Variants in PTPRO observed in about 807,000 individuals in gnomAD.
The protein encoded by PTPRO is receptor-type tyrosine-protein phosphatase O.
In PTPRO, 62 loss-of-function variants were observed where a neutral mutation model predicts 145.2. The ratio of observed to expected loss-of-function variants is 0.43; its 90% CI spans 0.35 to 0.53. The LOEUF is 0.53. Ranked by LOEUF, PTPRO falls within the 20% of genes least tolerant of loss-of-function variation. PTPRO has a pLI of 0.01. For missense variants in PTPRO, 1,345 were observed against 1,482.7 expected (o/e 0.91, Z 1.53); for synonymous variants, 565 against 514.7 (o/e 1.10, Z -1.32).
At chr12:15,379,929 G>T (rs556915111) in intron 1 of PTPRO, among the ~76,000 whole-genome samples, 111 of 152,228 alleles carry the variant, frequency 7.3e-4, no homozygotes, top group African/African-American at 2.3e-3. Flanking sequence ...CACTTAAAAT[G>T]AATAAATTTC....
At chr12:15,557,234 TTTCGCCATGTTGGCGAAAC>T (rs1166378954) in intron 15 of PTPRO, among the ~76,000 whole-genome samples, 9 of 151,750 alleles carry the variant, frequency 5.9e-5, no homozygotes, top group Non-Finnish European at 8.8e-5. Flanking sequence ...AGAGACAGGG[TTTCGCCATGTTGGCGAAAC>T]TCCTGACCTC....
intron 1 of PTPRO, among the ~76,000 whole-genome samples, chr12:15,482,479 T>C (rs759822357): frequency 2.6e-5 from 4 of 152,090 alleles, no homozygotes; most frequent in African/African-American, 9.7e-5. Context: ...GGGGACTATA[T>C]TGACACTTTA....
At chr12:15,542,191 A>G (rs1475699946) in intron 12 of PTPRO, among the ~76,000 whole-genome samples, 1 of 152,120 alleles carries the variant, frequency 6.6e-6, no homozygotes, top group Non-Finnish European at 1.5e-5. Context: ...ATCTACTTTA[A>G]TCTTGTGCTT....
chr12:15,571,133 C>A (rs1337136377), intron 19 of PTPRO, among the ~76,000 whole-genome samples: 1 of 152,084 alleles, frequency 6.6e-6, no homozygotes, highest in Non-Finnish European at 1.5e-5. Flanking sequence ...ATGACTGGAG[C>A]CAGGGGCCCC....
intron 1 of PTPRO, among the ~76,000 whole-genome samples, chr12:15,364,766 T>A (rs1938310922): frequency 6.6e-6 from 1 of 152,176 alleles, no homozygotes; most frequent in African/African-American, 2.4e-5. Flanking sequence ...TTAGAAAAGA[T>A]CAAATAATTT....
intron 2 of PTPRO, among the ~76,000 whole-genome samples, chr12:15,493,529 T>C (rs1055541499): frequency 6.6e-6 from 1 of 151,992 alleles, no homozygotes; most frequent in African/African-American, 2.4e-5. Flanking sequence ...AAAGGAAAGC[T>C]GATTGACCAA....
In PTPRO at chr12:15,415,599, A is replaced by C. The variant is rs373996118; in HGVS notation, c.76-68375A>C. On this transcript the variant is annotated intron_variant, in intron 1 of 26. Coordinates refer to ENST00000281171, the MANE Select transcript of PTPRO (RefSeq NM_030667.3). ...CGGGGTTTCACTCATGTTAGCCAGG[A>C]TGGTCTCGATCTCCCGACCTTGTGA... Among the ~76,000 whole-genome samples, 8 of 151,516 alleles carry C rather than the reference A, an allele frequency of 5.3e-5. 1 individual carries two copies. Among genetic ancestry groups the C allele is most frequent in the South Asian group, 2.1e-4 (1 of 4,814 alleles).
intron 2 of PTPRO, among the ~76,000 whole-genome samples, chr12:15,489,020 C>A (rs1018986410): frequency 8.5e-5 from 13 of 152,092 alleles, no homozygotes; most frequent in African/African-American, 3.1e-4. Flanking sequence ...AGACACTCTA[C>A]AAATATAATA....
chr12:15,354,689 T>C (rs1459448670), intron 1 of PTPRO, among the ~76,000 whole-genome samples: 3 of 152,174 alleles, frequency 2.0e-5, no homozygotes, highest in Non-Finnish European at 4.4e-5. Flanking sequence ...AGGAGCCATA[T>C]AAAAAAGGTT....
chr12:15,380,632 G>A (rs1034624936), intron 1 of PTPRO, among the ~76,000 whole-genome samples: 1 of 152,080 alleles, frequency 6.6e-6, no homozygotes, highest in Admixed American at 6.5e-5. Flanking sequence ...GGCCCACAGG[G>A]CTTTATATCT....
At chr12:15,443,474 T>G (rs1940823566) in intron 1 of PTPRO, among the ~76,000 whole-genome samples, 1 of 151,850 alleles carries the variant, frequency 6.6e-6, no homozygotes, top group African/African-American at 2.4e-5. Context: ...AAAAGCAATT[T>G]TAACAAAAAC....
chr12:15,458,679 T>C (rs1046323399), intron 1 of PTPRO, among the ~76,000 whole-genome samples: 1 of 151,918 alleles, frequency 6.6e-6, no homozygotes, highest in Non-Finnish European at 1.5e-5. Context: ...CATTGATTTC[T>C]GAGCTGGTTT....
intron 9 of PTPRO, among the ~76,000 whole-genome samples, chr12:15,519,208 C>T (rs1942661926): frequency 6.6e-6 from 1 of 152,162 alleles, no homozygotes. Flanking sequence ...AAAACTCCCC[C>T]TTACAATAGC....
intron 1 of PTPRO, among the ~76,000 whole-genome samples, chr12:15,419,940 G>C (rs1313528197): frequency 6.6e-6 from 1 of 151,384 alleles, no homozygotes; most frequent in Non-Finnish European, 1.5e-5. Context: ...GAGGTCAGGA[G>C]ATCGAGACAA....
chr12:15,566,405 A>G (rs1348699210), intron 18 of PTPRO, among the ~76,000 whole-genome samples: 1 of 152,230 alleles, frequency 6.6e-6, no homozygotes, highest in Admixed American at 6.5e-5. Context: ...CCAAAAGAAA[A>G]GTTGATGTAA....
chr12:15,507,450 T>TAAATAAATAGC (rs141407524), intron 6 of PTPRO, among the ~76,000 whole-genome samples: 1 of 148,182 alleles, frequency 6.7e-6, no homozygotes, highest in African/African-American at 2.5e-5. Flanking sequence ...AATAAATAAA[T>TAAATAAATAGC]AAGGAATGAA....
At chr12:15,579,086 A>T (rs1944251748) in intron 20 of PTPRO, 143 bp downstream of exon 20, 1 of 722,208 alleles carries the variant, frequency 1.4e-6, no homozygotes, top group Non-Finnish European at 2.5e-6. Context: ...CATTGATCTC[A>T]CTCTCCTTTG....
intron 1 of PTPRO, among the ~76,000 whole-genome samples, chr12:15,472,146 T>C (rs1304906505): frequency 6.6e-6 from 1 of 152,162 alleles, no homozygotes; most frequent in East Asian, 1.9e-4. Context: ...AGTCTGATCA[T>C]TTATTGGGTT....
At chr12:15,554,087 A>T (rs1943549190) in intron 15 of PTPRO, among the ~76,000 whole-genome samples, 1 of 152,174 alleles carries the variant, frequency 6.6e-6, no homozygotes, top group South Asian at 2.1e-4. Context: ...CCAGCTACTC[A>T]GGAGGCTGAG....
Sources: allele counts gnomAD v4.1 joint callset (sites outside exome capture counted in the v4.1 genomes callset), GRCh38; gene constraint gnomAD v4.1.1; transcripts MANE v1.5; gene names NCBI Gene and HGNC (gene_info 2026-07-23, HGNC 2026-07-21).